SGCZ: variants seen among roughly 807,000 people sequenced by gnomAD.
The protein encoded by SGCZ is zeta-sarcoglycan.
In SGCZ, 40 loss-of-function variants were observed where a neutral mutation model predicts 41.3. That is an observed-to-expected ratio of 0.97 (90% confidence interval 0.75 to 1.26). SGCZ has a LOEUF of 1.26. SGCZ is among the 50% of genes most tolerant of loss of function. SGCZ has a pLI of 0.00. For synonymous variants in SGCZ, 206 were observed against 137.5 expected, an observed-to-expected ratio of 1.50 and a Z score of -3.49; for missense variants, 552 against 369.8, an observed-to-expected ratio of 1.49 and a Z score of -4.04.
intron 1 of SGCZ, among the ~76,000 whole-genome samples, chr8:14,926,918 C>T (rs1280302855): frequency 6.6e-6 from 1 of 152,006 alleles, no homozygotes; most frequent in Non-Finnish European, 1.5e-5. Context: ...GGATTACAGG[C>T]GTGAGTCACC....
intron 4 of SGCZ, among the ~76,000 whole-genome samples, chr8:14,200,169 C>A (rs920220066): frequency 3.3e-5 from 5 of 152,118 alleles, no homozygotes; most frequent in African/African-American, 4.8e-5. Flanking sequence ...CATACAAATT[C>A]TGTATGCTGA....
intron 1 of SGCZ, among the ~76,000 whole-genome samples, chr8:14,884,293 C>A (rs1204779832): frequency 6.6e-6 from 1 of 151,976 alleles, no homozygotes; most frequent in Non-Finnish European, 1.5e-5. Context: ...TTTTGATGCA[C>A]CTTATTGGGC....
At chr8:14,723,721 T>A (rs1430817622) in intron 1 of SGCZ, among the ~76,000 whole-genome samples, 3 of 152,096 alleles carry the variant, frequency 2.0e-5, no homozygotes, top group African/African-American at 7.2e-5. Flanking sequence ...CATATGTCTA[T>A]ATAGTGCATC....
At chr8:14,894,065 T>A (rs1335562055) in intron 1 of SGCZ, among the ~76,000 whole-genome samples, 2 of 152,130 alleles carry the variant, frequency 1.3e-5, no homozygotes, top group Admixed American at 6.6e-5. Flanking sequence ...ACAGAAAATA[T>A]AAGAAATATT....
chr8:14,615,873 A>G (rs1314754834), intron 1 of SGCZ, among the ~76,000 whole-genome samples: 2 of 152,172 alleles, frequency 1.3e-5, no homozygotes, highest in African/African-American at 2.4e-5. Context: ...ATTCAATTCT[A>G]TCCTGGGCCT....
chr8:14,785,309 A>C (rs919142303), intron 1 of SGCZ, among the ~76,000 whole-genome samples: 2 of 152,064 alleles, frequency 1.3e-5, no homozygotes, highest in Non-Finnish European at 2.9e-5. Context: ...TTCTCAACTG[A>C]GATCTGGATT....
At chr8:15,236,899 C>G (rs1180630383) in intron 1 of SGCZ, among the ~76,000 whole-genome samples, 1 of 152,050 alleles carries the variant, frequency 6.6e-6, no homozygotes, top group Non-Finnish European at 1.5e-5. Flanking sequence ...CAGCCCGGCT[C>G]CCGCCTCCCC....
chr8:14,904,116 G>C (rs1490460848), intron 1 of SGCZ, among the ~76,000 whole-genome samples: 1 of 151,994 alleles, frequency 6.6e-6, no homozygotes, highest in Non-Finnish European at 1.5e-5. Context: ...ATGCATCTTA[G>C]GGGTTTTCAT....
At chr8:14,987,669 C>G (rs1801868413) in intron 1 of SGCZ, among the ~76,000 whole-genome samples, 1 of 151,856 alleles carries the variant, frequency 6.6e-6, no homozygotes, top group South Asian at 2.1e-4. Context: ...ATTCTTTGAT[C>G]CTGGGCATCT....
intron 2 of SGCZ, among the ~76,000 whole-genome samples, chr8:14,392,415 A>G (rs944024196): frequency 6.6e-6 from 1 of 152,184 alleles, no homozygotes; most frequent in African/African-American, 2.4e-5. Context: ...GCCCATGGTA[A>G]TCAAAATGAT....
chr8:14,224,379 T>C lies in SGCZ; in HGVS notation c.424+13213A>G, dbSNP rs544702670. Among the ~76,000 whole-genome samples the C allele has an allele frequency of 2.6e-5, 4 of 152,100 alleles. No homozygotes were observed. The South Asian group carries it at 8.3e-4, about 31-fold the overall frequency. On this transcript the variant is annotated intron_variant, in intron 4 of 7. Coordinates refer to ENST00000382080, the MANE Select transcript of SGCZ (RefSeq NM_139167.4). Reference sequence around the variant, plus strand: ...GATTAGTACCAGGTACTATGGTGAGTGTGAGCTAGGGGCAGACATAGAGGG... The same window carrying C: ...GATTAGTACCAGGTACTATGGTGAGCGTGAGCTAGGGGCAGACATAGAGGG...
chr8:14,235,158 C>T (rs13266960), intron 4 of SGCZ, among the ~76,000 whole-genome samples: 145,631 of 152,242 alleles, frequency 0.96, 69,745 homozygotes, highest in East Asian at 1. Flanking sequence ...TTAACTATTT[C>T]ATTGGCACCC....
At chr8:15,067,462 C>T (rs532945485) in intron 1 of SGCZ, among the ~76,000 whole-genome samples, 2 of 152,266 alleles carry the variant, frequency 1.3e-5, no homozygotes, top group African/African-American at 2.4e-5. Flanking sequence ...AGTTAAGTGA[C>T]TTTACAGAGG....
chr8:14,727,604 G>A (rs764695827), intron 1 of SGCZ, among the ~76,000 whole-genome samples: 8 of 150,860 alleles, frequency 5.3e-5, no homozygotes, highest in Non-Finnish European at 7.4e-5. Flanking sequence ...TCCGCCTCCC[G>A]GATTCACGCC....
At chr8:14,472,010 A>G (rs1312744114) in intron 2 of SGCZ, among the ~76,000 whole-genome samples, 2 of 152,066 alleles carry the variant, frequency 1.3e-5, no homozygotes, top group Non-Finnish European at 2.9e-5. Context: ...ATAAATAATA[A>G]TAAAATCTTT....
intron 1 of SGCZ, among the ~76,000 whole-genome samples, chr8:14,916,860 T>TA (rs1491080610): frequency 7.9e-5 from 12 of 151,968 alleles, no homozygotes; most frequent in South Asian, 2.1e-4. Context: ...AGTTATTTTT[T>TA]AAAAAAAACA....
At chr8:15,086,369 C>A (rs921702016) in intron 1 of SGCZ, among the ~76,000 whole-genome samples, 1 of 152,132 alleles carries the variant, frequency 6.6e-6, no homozygotes, top group Non-Finnish European at 1.5e-5. Flanking sequence ...CCAATCAGCT[C>A]CTCTTAGAGG....
intron 1 of SGCZ, among the ~76,000 whole-genome samples, chr8:15,156,204 T>C (rs1192698744): frequency 6.6e-6 from 1 of 152,198 alleles, no homozygotes; most frequent in Non-Finnish European, 1.5e-5. Flanking sequence ...AATTAATTAC[T>C]TTAAAATGGC....
chr8:14,702,094 C>T (rs1338566149), intron 1 of SGCZ, among the ~76,000 whole-genome samples: 1 of 151,894 alleles, frequency 6.6e-6, no homozygotes, highest in Non-Finnish European at 1.5e-5. Flanking sequence ...CAAAAATGTT[C>T]CTGACAATCC....
Sources: gnomAD v4.1 joint callset for allele counts (sites outside exome capture counted in the v4.1 genomes callset) on GRCh38, gnomAD v4.1.1 for gene constraint, MANE v1.5 for transcripts, NCBI Gene and HGNC (gene_info 2026-07-23, HGNC 2026-07-21) for gene names.